The following KIF13B variants were observed in gnomAD, a reference collection of about 807,000 sequenced individuals.
KIF13B encodes kinesin family member 13B, also known as kinesin-like protein KIF13B.
Under a neutral mutation model 222.0 loss-of-function variants are expected in KIF13B, and 127 were observed. The observed-to-expected ratio is 0.57, with a 90% CI of 0.50 to 0.66. The LOEUF is 0.66. Ranked by LOEUF, KIF13B falls within the 30% of genes least tolerant of loss-of-function variation. The pLI is 0.00. For synonymous variants in KIF13B, 976 were observed against 919.0 expected, an observed-to-expected ratio of 1.06 and a Z score of -1.12; for missense variants, 2,173 against 2,379.0, an observed-to-expected ratio of 0.91 and a Z score of 1.80.
At chr8:29,183,549 AC>A (rs1812807549) in intron 6 of KIF13B, among the ~76,000 whole-genome samples, 1 of 152,000 alleles carries the variant, frequency 6.6e-6, no homozygotes, top group South Asian at 2.1e-4. Flanking sequence ...GCTCTTGACC[AC>A]CTCTTAGTCA....
chr8:29,176,169 T>A lies in KIF13B; in HGVS notation c.844A>T (p.Thr282Ser), dbSNP rs770697789. The stretch of plus-strand genomic sequence containing the variant: ...AGAGCTGAGATAACCAGACCGAGGG[T>A]TGTGAGGGACCTGCATGGTGCAACA... Reference protein sequence around the residue: ...EGSNINKSLTTLGLVISALAD... With the variant: ...EGSNINKSLTSLGLVISALAD... The change falls in exon 10 of 40, where the codon ACC becomes TCC. Residue 282 changes from threonine to serine, a missense_variant. This residue lies in a region of KIF13B where 1,480 missense variants were observed against 1,722.8 expected (regional missense o/e 0.86). Coordinates refer to ENST00000524189, the MANE Select transcript of KIF13B (RefSeq NM_015254.4). The A allele has an allele frequency of 6.2e-7, 1 of 1,608,676 alleles. No individual in the cohort carries two copies. Among genetic ancestry groups the A allele is most frequent in the Non-Finnish European group, 8.5e-7 (1 of 1,175,658 alleles).
At chr8:29,098,247 G>GA (rs1291336050) in intron 36 of KIF13B, among the ~76,000 whole-genome samples, 1 of 147,508 alleles carries the variant, frequency 6.8e-6, no homozygotes, top group Non-Finnish European at 1.5e-5. Flanking sequence ...GAAACTCCTT[G>GA]AAAAAAATAT....
intron 27 of KIF13B, 98 bp from the exon 28 acceptor site, chr8:29,123,590 A>G: frequency 2.7e-6 from 4 of 1,473,858 alleles, no homozygotes; most frequent in Non-Finnish European, 3.7e-6. Flanking sequence ...TTCAATTATT[A>G]GCTCACAAGT....
intron 8 of KIF13B, among the ~76,000 whole-genome samples, chr8:29,178,704 G>A (rs1348689688): frequency 6.7e-6 from 1 of 149,842 alleles, no homozygotes; most frequent in Non-Finnish European, 1.5e-5. Flanking sequence ...TGCTGAAAAG[G>A]AAATAAGAAA....
chr8:29,197,283 G>A (rs13268504), intron 2 of KIF13B, among the ~76,000 whole-genome samples: 3 of 131,696 alleles, frequency 2.3e-5, no homozygotes, highest in Non-Finnish European at 3.1e-5. Context: ...CTTGCAGTGA[G>A]CCGAGATCCC....
At chr8:29,150,440 T>A in intron 14 of KIF13B, 57 bp from the exon 15 acceptor site, 1 of 818,674 alleles carries the variant, frequency 1.2e-6, no homozygotes. Context: ...TCTTCTGCTT[T>A]AATTTCCCAA....
intron 2 of KIF13B, among the ~76,000 whole-genome samples, chr8:29,200,395 T>G (rs1813640724): frequency 6.6e-6 from 1 of 152,196 alleles, no homozygotes; most frequent in Non-Finnish European, 1.5e-5. Context: ...TCCAGAGAAA[T>G]GTCTCAAGTA....
chr8:29,125,810 T>G (rs1810081703), intron 26 of KIF13B, among the ~76,000 whole-genome samples: 1 of 151,442 alleles, frequency 6.6e-6, no homozygotes, highest in Non-Finnish European at 1.5e-5. Context: ...AGATCTAGCT[T>G]AAAAAATGCA....
At chr8:29,146,177 A>G in intron 18 of KIF13B, 2 of 624,022 alleles carry the variant, frequency 3.2e-6, no homozygotes, top group Non-Finnish European at 5.7e-6. Flanking sequence ...TGCAGAGTAT[A>G]TTCCCCTAGC....
chr8:29,130,292 G>C (rs1810287628), intron 24 of KIF13B, among the ~76,000 whole-genome samples: 1 of 152,298 alleles, frequency 6.6e-6, no homozygotes, highest in East Asian at 1.9e-4. Flanking sequence ...TGGGAGGATT[G>C]CTTGAGCCTA....
chr8:29,100,517 C>T (rs184681342), intron 35 of KIF13B, among the ~76,000 whole-genome samples: 1 of 151,840 alleles, frequency 6.6e-6, no homozygotes, highest in East Asian at 1.9e-4. Flanking sequence ...AATCTCGGCT[C>T]ACCGCAACCT....
In KIF13B at chr8:29,070,684, G is replaced by A; in HGVS notation, c.5301C>T (p.Val1767=). Residue 1767 remains valine, a synonymous_variant, in exon 40 of 40, where the codon GTC becomes GTT. Coordinates refer to ENST00000524189, the MANE Select transcript of KIF13B (RefSeq NM_015254.4). This position sits in a 1 kb window ranked among gnomAD's most constrained non-coding sequence, Gnocchi z 4.1. The part of the protein sequence containing the change: ...GYGLLVRPSR[V]RRATGPVRRR... ...GCCGCACAGGGCCCGTGGCCCTGCG[G>A]ACCCGGCTGGGCCTGACCAGCAGCC... The A allele has an allele frequency of 6.4e-7, 1 of 1,560,676 alleles. No homozygotes were observed. The highest frequency in any genetic ancestry group is 8.7e-7 in the Non-Finnish European group (1 of 1,152,848).
At chr8:29,107,646 G>GC (rs568800672) in intron 35 of KIF13B, among the ~76,000 whole-genome samples, 3 of 147,794 alleles carry the variant, frequency 2.0e-5, no homozygotes, top group Admixed American at 6.8e-5. Flanking sequence ...TGCAGGCTCC[G>GC]CCCCCCGGGG....
intron 24 of KIF13B, among the ~76,000 whole-genome samples, chr8:29,129,727 C>T (rs754272586): frequency 7.9e-5 from 12 of 152,128 alleles, no homozygotes; most frequent in Non-Finnish European, 1.3e-4. Context: ...ACAGACTCTG[C>T]GGATGCATGT....
At chr8:29,216,886 C>G (rs62502853) in intron 2 of KIF13B, among the ~76,000 whole-genome samples, 7,744 of 151,830 alleles carry the variant, frequency 0.051, 268 homozygotes, top group Non-Finnish European at 0.077. Context: ...TCAGGTTCCC[C>G]GTGCAAATCT....
At chr8:29,211,244 T>C (rs1275027599) in intron 2 of KIF13B, among the ~76,000 whole-genome samples, 2 of 152,212 alleles carry the variant, frequency 1.3e-5, no homozygotes, top group Middle Eastern at 3.2e-3. Flanking sequence ...GCATTTACCA[T>C]AGATGTGAAG....
chr8:29,127,396 T>C (rs1563724055), intron 24 of KIF13B, 128 bp from the exon 25 acceptor site: 1 of 635,144 alleles, frequency 1.6e-6, no homozygotes, highest in South Asian at 4.3e-5. Context: ...TACCTTATTG[T>C]TAAGCATTAA....
intron 13 of KIF13B, among the ~76,000 whole-genome samples, chr8:29,157,719 T>C (rs1586856718): frequency 6.9e-6 from 1 of 144,742 alleles, no homozygotes; most frequent in South Asian, 2.2e-4. Context: ...AATAAATAAA[T>C]AAATATAAAA....
At position 29,146,036 on chromosome 8, in the gene KIF13B, G is replaced by A. The variant is rs1405322380; in HGVS notation, c.2187+342C>T. 9 of 507,952 alleles carry A rather than the reference G, an allele frequency of 1.8e-5. No individual in the cohort carries two copies. In the East Asian group the frequency reaches 3.0e-4, roughly 17 times the overall value. The allele number at this position is 507,952 out of a possible 1,614,324, so 31.5% of individuals were successfully genotyped here. On this transcript the variant is annotated intron_variant, in intron 18 of 39. Coordinates refer to ENST00000524189, the MANE Select transcript of KIF13B (RefSeq NM_015254.4). ...ACACCTAACTTGTGGAGAAGGGGTT[G>A]TAGAGTGGTAGCATAAGGAAGGAAA...
Sources: allele counts gnomAD v4.1 joint callset (sites outside exome capture counted in the v4.1 genomes callset), GRCh38; gene constraint gnomAD v4.1.1; regional missense constraint gnomAD v4.1.1; non-coding constraint Gnocchi (gnomAD v3.1); transcripts MANE v1.5; gene names NCBI Gene and HGNC (gene_info 2026-07-23, HGNC 2026-07-21).